Variants in GRIA4 observed in about 807,000 individuals in gnomAD.
GRIA4 encodes glutamate receptor 4.
In GRIA4, 34 loss-of-function variants were observed where a neutral mutation model predicts 104.0. The ratio of observed to expected loss-of-function variants is 0.33; its 90% CI spans 0.25 to 0.44. The LOEUF is 0.44. Among genes scored for constraint, GRIA4 ranks in the 20% least tolerant of loss-of-function variants. The pLI, the probability that GRIA4 is intolerant of heterozygous loss-of-function variation, is 1.00. For missense variants in GRIA4, 750 were observed against 1,096.5 expected (o/e 0.68, Z 4.46); for synonymous variants, 386 against 381.9 (o/e 1.01, Z -0.13).
intron 3 of GRIA4, among the ~76,000 whole-genome samples, chr11:105,748,241 T>C (rs902339935): frequency 6.6e-6 from 1 of 152,208 alleles, no homozygotes; most frequent in Non-Finnish European, 1.5e-5. Flanking sequence ...AACTTAGTTA[T>C]GGCTGAGGTA....
At chr11:105,977,768 A>G (rs947410911) in intron 16 of GRIA4, among the ~76,000 whole-genome samples, 14 of 152,028 alleles carry the variant, frequency 9.2e-5, no homozygotes, top group African/African-American at 2.7e-4. Flanking sequence ...CCCAAAACAT[A>G]TGTACTTTAA....
At chr11:105,676,507 T>C (rs1952541777) in intron 3 of GRIA4, among the ~76,000 whole-genome samples, 1 of 45,964 alleles carries the variant, frequency 2.2e-5, no homozygotes, top group Non-Finnish European at 4.6e-5. Context: ...TGATATCTTA[T>C]ATGTTAAAAA....
intron 4 of GRIA4, among the ~76,000 whole-genome samples, chr11:105,759,920 ACT>A (rs1277976986): frequency 2.0e-5 from 3 of 151,968 alleles, no homozygotes; most frequent in Non-Finnish European, 4.4e-5. Flanking sequence ...CATAGTAGAG[ACT>A]CTGTCTTGCT....
In GRIA4 at chr11:105,610,953, C is replaced by A. The variant is rs775464563; in HGVS notation, c.-45C>A. The stretch of plus-strand genomic sequence containing the variant: ...CTCTGAACAGCCTTTAGGAAGAGTG[C>A]GAGAGAAAGAGAGAGAGCGCGCGCC... On this transcript the variant is annotated 5_prime_UTR_variant, in exon 2 of 17. Coordinates refer to ENST00000282499, the MANE Select transcript of GRIA4 (RefSeq NM_000829.4). The A allele has an allele frequency of 1.7e-6, 2 of 1,192,586 alleles. No homozygotes were observed. Among genetic ancestry groups the A allele is most frequent in the Admixed American group, 1.8e-5 (1 of 56,378 alleles). The allele number at this position is 1,192,586 out of a possible 1,614,324, so 73.9% of individuals were successfully genotyped here. A position where few individuals can be genotyped will look rare whatever the true frequency, so the allele number is the denominator to read the frequency against.
At chr11:105,746,336 C>G (rs528260328) in intron 3 of GRIA4, among the ~76,000 whole-genome samples, 61 of 150,676 alleles carry the variant, frequency 4.0e-4, no homozygotes, top group African/African-American at 1.4e-3. Flanking sequence ...ATGAAAATCT[C>G]AAGAAAATCA....
chr11:105,850,088 G>A lies in GRIA4; in HGVS notation c.488-11936G>A, dbSNP rs569959153. 1.1e-4 allele frequency among the ~76,000 whole-genome samples: 16 copies of A among 151,990 alleles called. No individual in the cohort carries two copies. The East Asian group carries it at 2.3e-3, about 22-fold the overall frequency. On this transcript the variant is annotated intron_variant, in intron 4 of 16. Transcript: ENST00000282499. The stretch of plus-strand genomic sequence containing the variant: ...CTTAATGAGTTTCTACCAAAATGTC[G>A]GTGGCACACGGTACCATTGTGAAAA...
chr11:105,621,656 G>A (rs919694672), intron 3 of GRIA4, among the ~76,000 whole-genome samples: 9 of 151,588 alleles, frequency 5.9e-5, no homozygotes, highest in African/African-American at 2.2e-4. Context: ...CCAGGTCTTT[G>A]ATATTACAAA....
At chr11:105,689,193 CA>C (rs1188453630) in intron 3 of GRIA4, among the ~76,000 whole-genome samples, 1 of 151,918 alleles carries the variant, frequency 6.6e-6, no homozygotes, top group Non-Finnish European at 1.5e-5. Flanking sequence ...AAGGCATCAC[CA>C]AGAAGAGATG....
intron 5 of GRIA4, among the ~76,000 whole-genome samples, chr11:105,866,126 A>C (rs1945396595): frequency 6.6e-6 from 1 of 152,124 alleles, no homozygotes; most frequent in African/African-American, 2.4e-5. Flanking sequence ...TGGATAAGAA[A>C]TCTTTAGTTG....
chr11:105,862,027 A>G lies in GRIA4; in HGVS notation c.491A>G (p.Tyr164Cys). 1 of 1,602,246 alleles carries G rather than the reference A, an allele frequency of 6.2e-7. No homozygotes were observed. The change falls in exon 5 of 17, where the codon TAC (tyrosine) becomes TGC (cysteine). Residue 164 changes from tyrosine to cysteine, a missense_variant. Tyr to Cys is a radical substitution (Grantham distance 194). Around this residue, in one of 3 missense-constraint regions of GRIA4, gnomAD observed 410 missense variants for 502.7 expected, o/e 0.82. Coordinates refer to ENST00000282499, the MANE Select transcript of GRIA4 (RefSeq NM_000829.4). ...TAACTTTTTTTTTCCCCAATAGGAT[A>G]CTCGATACTCCAAGCTATTATGGAA... is the stretch of plus-strand genomic sequence containing the variant. ...FVFLYDTDRG[Y>C]SILQAIMEKA... is the part of the protein sequence containing the mutation.
intron 4 of GRIA4, among the ~76,000 whole-genome samples, chr11:105,808,431 G>A (rs1303139824): frequency 6.6e-6 from 1 of 152,022 alleles, no homozygotes; most frequent in African/African-American, 2.4e-5. Flanking sequence ...TTTGCACTGG[G>A]AAGTTATGGT....
chr11:105,685,850 G>A (rs1952863257), intron 3 of GRIA4, among the ~76,000 whole-genome samples: 1 of 151,892 alleles, frequency 6.6e-6, no homozygotes, highest in Non-Finnish European at 1.5e-5. Flanking sequence ...TGATGGCAAA[G>A]ATCCTTAAAA....
rs769906415 is a variant in GRIA4, at chr11:105,979,578, A to T, written c.2548A>T (p.Thr850Ser). The change falls in exon 17 of 17, where the codon ACC (threonine) becomes TCC (serine). Residue 850 changes from threonine (T) to serine (S), a missense_variant. Thr to Ser is a moderately conservative substitution (Grantham distance 58, BLOSUM62 1). Coordinates refer to ENST00000282499, the MANE Select transcript of GRIA4 (RefSeq NM_000829.4). ...GCTTCCTTTCCATGCAACCCAGCTGACCTTTTCTGAAGCCATAAGAAACAA... is the reference window on the plus strand; with the variant it reads ...GCTTCCTTTCCATGCAACCCAGCTGTCCTTTTCTGAAGCCATAAGAAACAA... ...SRAEAKRMKL[T>S]FSEAIRNKAR... 1.9e-6 allele frequency: 3 copies of T among 1,614,016 alleles called. No homozygotes were observed. The highest frequency in any genetic ancestry group is 2.5e-6 in the Non-Finnish European group (3 of 1,179,882).
At chr11:105,834,321 T>C (rs922953002) in intron 4 of GRIA4, among the ~76,000 whole-genome samples, 2 of 152,098 alleles carry the variant, frequency 1.3e-5, no homozygotes, top group Non-Finnish European at 2.9e-5. Flanking sequence ...GCAAGTATAA[T>C]AGAAACTCAA....
At chr11:105,645,796 G>A (rs1049244341) in intron 3 of GRIA4, among the ~76,000 whole-genome samples, 1 of 151,672 alleles carries the variant, frequency 6.6e-6, no homozygotes, top group East Asian at 1.9e-4. Context: ...AGTGTTGATC[G>A]AACATAGAAA....
chr11:105,706,726 ACAC>A (rs2135537229), intron 3 of GRIA4: 2 of 152,422 alleles, frequency 1.3e-5, no homozygotes, highest in African/African-American at 4.8e-5. Flanking sequence ...TGAACCTGTA[ACAC>A]CCTCTGAAAG....
chr11:105,830,769 A>G (rs991323510), intron 4 of GRIA4, among the ~76,000 whole-genome samples: 2 of 152,054 alleles, frequency 1.3e-5, no homozygotes, highest in Admixed American at 1.3e-4. Context: ...CACCCAGGCA[A>G]AGGGCCTGTT....
chr11:105,814,289 C>T (rs957278347), intron 4 of GRIA4, among the ~76,000 whole-genome samples: 6 of 152,142 alleles, frequency 3.9e-5, no homozygotes, highest in African/African-American at 1.4e-4. Context: ...ATGTCTGGTA[C>T]GTAGTGTCAA....
chr11:105,952,791 C>T (rs891170170), intron 14 of GRIA4, among the ~76,000 whole-genome samples: 1 of 152,158 alleles, frequency 6.6e-6, no homozygotes, highest in African/African-American at 2.4e-5. Context: ...TTTTCAAGTG[C>T]TCATTGCAAA....
Sources: allele counts gnomAD v4.1 joint callset (sites outside exome capture counted in the v4.1 genomes callset), GRCh38; gene constraint gnomAD v4.1.1; regional missense constraint gnomAD v4.1.1; transcripts MANE v1.5; gene names NCBI Gene and HGNC (gene_info 2026-07-23, HGNC 2026-07-21).